DLG2: variants seen among roughly 807,000 people sequenced by gnomAD.
DLG2 encodes disks large homolog 2.
A neutral mutation model predicts 132.5 loss-of-function variants in DLG2; 45 were observed. The ratio of observed to expected loss-of-function variants is 0.34; its 90% CI spans 0.27 to 0.44. The LOEUF is 0.44. DLG2 is among the 20% of genes least tolerant of loss of function. The pLI, the probability that DLG2 is intolerant of heterozygous loss-of-function variation, is 1.00. For synonymous variants in DLG2, 424 were observed against 419.6 expected (o/e 1.01, Z -0.13); for missense variants, 1,045 against 1,196.9 (o/e 0.87, Z 1.87).
At chr11:84,001,323 TAA>T (rs34868321) in intron 11 of DLG2, among the ~76,000 whole-genome samples, 3 of 138,974 alleles carry the variant, frequency 2.2e-5, no homozygotes, top group African/African-American at 2.7e-5. Flanking sequence ...AGACTTCAAG[TAA>T]AAAAAAAAAA....
chr11:84,107,619 C>T lies in DLG2; in HGVS notation c.625-8572G>A, dbSNP rs1024289874. 5.3e-5 allele frequency among the ~76,000 whole-genome samples: 8 copies of T among 152,030 alleles called. No homozygotes were observed. The East Asian group carries it at 1.5e-3, about 29-fold the overall frequency. On this transcript the variant is annotated intron_variant, in intron 9 of 27. Transcript: ENST00000376104. ...TAAGTTCGCTTTTGACACAGCATAA[C>T]TCAGCCATGGGTAGGGGGAGGAATA... is the stretch of plus-strand genomic sequence containing the variant.
chr11:85,114,941 AGAGT>A (rs2073351515), intron 5 of DLG2, among the ~76,000 whole-genome samples: 1 of 151,944 alleles, frequency 6.6e-6, no homozygotes, highest in Non-Finnish European at 1.5e-5. Flanking sequence ...TGTGTGTGGC[AGAGT>A]GAGAGATGAT....
At chr11:84,403,804 T>C (rs1343823633) in intron 7 of DLG2, among the ~76,000 whole-genome samples, 1 of 152,114 alleles carries the variant, frequency 6.6e-6, no homozygotes, top group African/African-American at 2.4e-5. Context: ...TGCTTTCACA[T>C]CTCCCTGACC....
intron 7 of DLG2, among the ~76,000 whole-genome samples, chr11:84,480,637 C>T (rs2099134522): frequency 6.6e-6 from 1 of 151,958 alleles, no homozygotes; most frequent in Non-Finnish European, 1.5e-5. Flanking sequence ...TTTCTGGGCT[C>T]AAAATCCAGC....
At chr11:85,467,030 C>A (rs1178548530) in intron 3 of DLG2, among the ~76,000 whole-genome samples, 2 of 152,116 alleles carry the variant, frequency 1.3e-5, no homozygotes, top group Non-Finnish European at 2.9e-5. Flanking sequence ...CTTCAAATCC[C>A]TTGTAAGTTG....
chr11:84,649,826 G>C (rs1032048694), intron 6 of DLG2, among the ~76,000 whole-genome samples: 1 of 151,980 alleles, frequency 6.6e-6, no homozygotes, highest in Admixed American at 6.6e-5. Context: ...AGGATTCCAG[G>C]GAAAATCACA....
intron 6 of DLG2, among the ~76,000 whole-genome samples, chr11:84,875,421 T>A (rs559005054): frequency 1.3e-4 from 19 of 151,790 alleles, no homozygotes; most frequent in Admixed American, 9.8e-4. Flanking sequence ...ACAAGGAAAA[T>A]GTACACATGG....
At chr11:85,161,048 G>T (rs1262741501) in intron 4 of DLG2, among the ~76,000 whole-genome samples, 1 of 152,214 alleles carries the variant, frequency 6.6e-6, no homozygotes, top group African/African-American at 2.4e-5. Flanking sequence ...CAGGGACTTG[G>T]AAGAAGCATG....
At chr11:83,529,369 C>T (rs972384307) in intron 21 of DLG2, among the ~76,000 whole-genome samples, 7 of 152,100 alleles carry the variant, frequency 4.6e-5, no homozygotes, top group African/African-American at 1.7e-4. Flanking sequence ...GCTAATGGTT[C>T]TTTGCTTTCT....
intron 7 of DLG2, among the ~76,000 whole-genome samples, chr11:84,260,337 G>A (rs1252148139): frequency 6.6e-6 from 1 of 152,160 alleles, no homozygotes; most frequent in Non-Finnish European, 1.5e-5. Context: ...ATGAAGAAAT[G>A]GGGATTGCTT....
chr11:84,098,859 C>A, intron 10 of DLG2, 64 bp downstream of exon 10: 4 of 1,561,746 alleles, frequency 2.6e-6, no homozygotes, highest in African/African-American at 2.7e-5. Flanking sequence ...TTCAAAGGTA[C>A]AAATGTGTCT....
At chr11:85,256,206 C>A (rs1188425782) in intron 4 of DLG2, among the ~76,000 whole-genome samples, 1 of 152,066 alleles carries the variant, frequency 6.6e-6, no homozygotes, top group African/African-American at 2.4e-5. Flanking sequence ...AGCAGATGAA[C>A]AGAAGAGCAG....
At position 83,520,686 on chromosome 11, in the gene DLG2, A is replaced by AGTAG. The variant is rs1191355060; in HGVS notation, c.2193+12018_2193+12021dup. ...AGATAGAAAGAAAGACAGACAGGTA[A>AGTAG]GTAGGTAGGTAGATAGATAGATAGA... On this transcript the variant is annotated intron_variant, in intron 21 of 27. Transcript: ENST00000376104. Among the ~76,000 whole-genome samples, 333 of 62,384 alleles carry AGTAG rather than the reference A, an allele frequency of 5.3e-3. 6 individuals carry two copies. The highest frequency in any genetic ancestry group is 0.015 in the African/African-American group (317 of 20,646). 40.9% of individuals were successfully genotyped at this position (62,384 alleles called of 152,430 possible).
At chr11:85,328,833 T>C (rs906257079) in intron 3 of DLG2, among the ~76,000 whole-genome samples, 1 of 58,302 alleles carries the variant, frequency 1.7e-5, no homozygotes, top group African/African-American at 6.1e-5. Context: ...GGAAGTCAAA[T>C]TGTCCCTGTT....
chr11:83,658,783 C>A (rs1361522012), intron 18 of DLG2, among the ~76,000 whole-genome samples: 1 of 152,196 alleles, frequency 6.6e-6, no homozygotes, highest in African/African-American at 2.4e-5. Context: ...AAGAAGTTTA[C>A]CACTTCTCTA....
At chr11:83,829,593 T>C (rs1275061072) in intron 17 of DLG2, among the ~76,000 whole-genome samples, 1 of 152,216 alleles carries the variant, frequency 6.6e-6, no homozygotes, top group Non-Finnish European at 1.5e-5. Context: ...AAATATTTTA[T>C]CTTCCATATT....
At chr11:85,545,535 A>G (rs796468660) in intron 3 of DLG2, among the ~76,000 whole-genome samples, 8 of 151,850 alleles carry the variant, frequency 5.3e-5, no homozygotes, top group African/African-American at 9.7e-5. Context: ...CTCTTTTTCT[A>G]TTGTTTGGAA....
intron 3 of DLG2, among the ~76,000 whole-genome samples, chr11:85,405,377 T>C (rs2088625276): frequency 6.6e-6 from 1 of 152,040 alleles, no homozygotes. Flanking sequence ...GTGAGTTATT[T>C]GTTTAATAAC....
At chr11:83,835,120 A>C (rs2055766880) in intron 16 of DLG2, among the ~76,000 whole-genome samples, 1 of 152,230 alleles carries the variant, frequency 6.6e-6, no homozygotes, top group Non-Finnish European at 1.5e-5. Flanking sequence ...ACAATGCATT[A>C]AGTCAGAGGT....
Sources: allele counts gnomAD v4.1 joint callset (sites outside exome capture counted in the v4.1 genomes callset), GRCh38; gene constraint gnomAD v4.1.1; transcripts MANE v1.5; gene names NCBI Gene and HGNC (gene_info 2026-07-23, HGNC 2026-07-21).